Variants in RUFY2 observed in about 807,000 individuals in gnomAD.
The protein encoded by RUFY2 is RUN and FYVE domain-containing protein 2.
Under a neutral mutation model 94.4 loss-of-function variants are expected in RUFY2, and 49 were observed. The ratio of observed to expected loss-of-function variants is 0.52; its 90% confidence interval spans 0.41 to 0.66. The LOEUF is 0.66. Ranked by LOEUF, RUFY2 falls within the 30% of genes least tolerant of loss-of-function variation. The pLI is 0.00. For synonymous variants in RUFY2, 255 were observed against 235.7 expected, an observed-to-expected ratio of 1.08 and a Z score of -0.75; for missense variants, 541 against 692.8, an observed-to-expected ratio of 0.78 and a Z score of 2.46.
intron 13 of RUFY2, among the ~76,000 whole-genome samples, chr10:68,373,840 G>A (rs889224729): frequency 6.6e-6 from 1 of 152,078 alleles, no homozygotes; most frequent in Non-Finnish European, 1.5e-5. Context: ...TCGGCTGGGA[G>A]CAGTGGCTCA....
At chr10:68,403,135 C>A (rs10998115) in intron 2 of RUFY2, among the ~76,000 whole-genome samples, 5,831 of 149,822 alleles carry the variant, frequency 0.039, 130 homozygotes, top group Non-Finnish European at 0.047. Flanking sequence ...CATGAGCCAT[C>A]GCACCCAGCC....
At chr10:68,396,044 G>C (rs2050366819) in intron 4 of RUFY2, among the ~76,000 whole-genome samples, 2 of 152,148 alleles carry the variant, frequency 1.3e-5, no homozygotes, top group African/African-American at 4.8e-5. Context: ...TATCACCCAG[G>C]CTGGAGTGCA....
intron 16 of RUFY2, 59 bp from the exon 17 acceptor site, chr10:68,346,143 C>G: frequency 7.7e-7 from 1 of 1,300,560 alleles, no homozygotes; most frequent in Non-Finnish European, 1.1e-6. Context: ...AATGTGAAAA[C>G]TTTTTCCCCC....
At chr10:68,365,003 T>G (rs1274819842) in intron 13 of RUFY2, among the ~76,000 whole-genome samples, 2 of 152,086 alleles carry the variant, frequency 1.3e-5, no homozygotes, top group Admixed American at 1.3e-4. Flanking sequence ...CTACTAACAA[T>G]ACTACAGTTA....
chr10:68,389,963 G>C (rs1297779805), intron 7 of RUFY2, among the ~76,000 whole-genome samples: 1 of 152,150 alleles, frequency 6.6e-6, no homozygotes, highest in African/African-American at 2.4e-5. Flanking sequence ...CTTGTGAAGA[G>C]GGAAACTAGA....
chr10:68,362,345 T>C (rs2047513187), intron 15 of RUFY2, among the ~76,000 whole-genome samples: 1 of 151,526 alleles, frequency 6.6e-6, no homozygotes, highest in African/African-American at 2.4e-5. Flanking sequence ...CAAATAAAAA[T>C]AAACAAAAAA....
In RUFY2 at chr10:68,376,489, T is replaced by TATATATATATATATATATATATATATTC. The variant is rs58358117; in HGVS notation, c.1325+363_1325+364insGAATATATATATATATATATATATATAT. The stretch of plus-strand genomic sequence containing the variant: ...ATATATATATATATATATATATATA[T>TATATATATATATATATATATATATATTC]ATTCTCAGAAAACAGCATGTCCTTT... On this transcript the variant is annotated intron_variant, in intron 13 of 17. Coordinates refer to ENST00000602465, the MANE Select transcript of RUFY2 (RefSeq NM_001330103.2). 1.2e-4 allele frequency among the ~76,000 whole-genome samples: 6 copies of TATATATATATATATATATATATATATTC among 51,840 alleles called. 1 individual carries two copies. Among genetic ancestry groups the TATATATATATATATATATATATATATTC allele is most frequent in the Non-Finnish European group, 1.6e-4 (4 of 24,898 alleles). 34.0% of individuals were successfully genotyped at this position (51,840 alleles called of 152,430 possible). A position where few individuals can be genotyped will look rare whatever the true frequency, so the allele number is the denominator to read the frequency against.
intron 11 of RUFY2, among the ~76,000 whole-genome samples, chr10:68,380,255 T>C (rs10762227): frequency 0.27 from 41,551 of 151,816 alleles, 5,884 homozygotes; most frequent in Non-Finnish European, 0.29. Flanking sequence ...AGTCCTCATT[T>C]AAAATGTAAT....
chr10:68,369,011 T>A (rs1380437113), intron 13 of RUFY2, among the ~76,000 whole-genome samples: 3 of 152,150 alleles, frequency 2.0e-5, no homozygotes, highest in Admixed American at 6.5e-5. Context: ...CCTGGATTTC[T>A]ACTCTTGCCT....
chr10:68,390,669 C>T (rs1320127379), intron 7 of RUFY2, among the ~76,000 whole-genome samples: 1 of 152,124 alleles, frequency 6.6e-6, no homozygotes, highest in African/African-American at 2.4e-5. Flanking sequence ...ATTATGTTGC[C>T]CAGGCTTATC....
At chr10:68,351,122 A>ATTTT (rs71009048) in intron 16 of RUFY2, among the ~76,000 whole-genome samples, 3 of 79,000 alleles carry the variant, frequency 3.8e-5, no homozygotes, top group African/African-American at 1.1e-4. Context: ...GTATCCATAC[A>ATTTT]TTTTTTTTTT....
chr10:68,370,556 A>G (rs2048198462), intron 13 of RUFY2, among the ~76,000 whole-genome samples: 1 of 151,450 alleles, frequency 6.6e-6, no homozygotes, highest in Admixed American at 6.6e-5. Flanking sequence ...CTTGGGCAGA[A>G]GGATCACTTG....
At chr10:68,395,877 C>T (rs1334585949) in intron 4 of RUFY2, among the ~76,000 whole-genome samples, 1 of 152,202 alleles carries the variant, frequency 6.6e-6, no homozygotes, top group African/African-American at 2.4e-5. Context: ...CTAAATTCTC[C>T]ACAACATCAG....
At chr10:68,391,392 T>C (rs1003980148) in intron 7 of RUFY2, among the ~76,000 whole-genome samples, 3 of 152,134 alleles carry the variant, frequency 2.0e-5, no homozygotes, top group Non-Finnish European at 2.9e-5. Flanking sequence ...CTCATGCCTG[T>C]AATTTCAGCA....
At chr10:68,377,157 T>G in intron 12 of RUFY2, 185 bp from the exon 13 acceptor site, 2 of 1,430,968 alleles carry the variant, frequency 1.4e-6, no homozygotes, top group Non-Finnish European at 1.8e-6. Flanking sequence ...GTTTTGTGAT[T>G]TTTTTTTTTC....
chr10:68,347,157 C>T (rs1419438206), intron 16 of RUFY2, among the ~76,000 whole-genome samples: 2 of 151,706 alleles, frequency 1.3e-5, no homozygotes, highest in African/African-American at 2.4e-5. Context: ...AAGGACCTCA[C>T]TTTAAAAGTT....
intron 4 of RUFY2, among the ~76,000 whole-genome samples, chr10:68,395,998 G>T (rs1037771878): frequency 6.6e-6 from 1 of 152,008 alleles, no homozygotes; most frequent in African/African-American, 2.4e-5. Flanking sequence ...TTTGGCCTTC[G>T]TTTTATTTTA....
At chr10:68,406,608 G>A (rs1440016322) in intron 1 of RUFY2, 5 of 784,470 alleles carry the variant, frequency 6.4e-6, no homozygotes, top group Admixed American at 3.5e-5. Context: ...CCCAAACCCG[G>A]CCGCAGGCGC....
chr10:68,393,749 C>A, intron 6 of RUFY2: 1 of 290,662 alleles, frequency 3.4e-6, no homozygotes, highest in Non-Finnish European at 6.4e-6. Flanking sequence ...AAACATAGTT[C>A]GATCTTGAAG....
Sources: gnomAD v4.1 joint callset for allele counts (sites outside exome capture counted in the v4.1 genomes callset) on GRCh38, gnomAD v4.1.1 for gene constraint, MANE v1.5 for transcripts, NCBI Gene and HGNC (gene_info 2026-07-23, HGNC 2026-07-21) for gene names.